Variants in UST observed in about 807,000 individuals in gnomAD.
UST encodes the protein uronyl 2-sulfotransferase.
Under a neutral mutation model 45.6 loss-of-function variants are expected in UST, and 21 were observed. The ratio of observed to expected loss-of-function variants is 0.46; its 90% CI spans 0.33 to 0.66. The LOEUF (loss-of-function observed/expected upper bound fraction) is 0.66, where lower values mean the gene tolerates loss of function less well. Ranked by LOEUF, UST falls within the 30% of genes least tolerant of loss-of-function variation. The pLI is 0.02. For synonymous variants in UST, 215 were observed against 200.6 expected, an observed-to-expected ratio of 1.07 and a Z score of -0.61; for missense variants, 463 against 512.4, an observed-to-expected ratio of 0.90 and a Z score of 0.93.
intron 2 of UST, among the ~76,000 whole-genome samples, chr6:148,892,127 T>C (rs1779031839): frequency 6.6e-6 from 1 of 152,234 alleles, no homozygotes; most frequent in Admixed American, 6.5e-5. Context: ...TCAATATATT[T>C]AGAGAGTCTA....
intron 1 of UST, among the ~76,000 whole-genome samples, chr6:148,876,889 G>A (rs1218288074): frequency 1.3e-5 from 2 of 149,168 alleles, no homozygotes; most frequent in East Asian, 2.0e-4. Context: ...GCGTTTCAGG[G>A]ATGAGACCAG....
chr6:149,023,357 G>C (rs957059810), intron 7 of UST, among the ~76,000 whole-genome samples: 6 of 152,280 alleles, frequency 3.9e-5, no homozygotes, highest in Admixed American at 1.3e-4. Flanking sequence ...TGAGACCTCA[G>C]ACCAAGAGCC....
At chr6:149,022,454 G>A (rs1775993912) in intron 7 of UST, among the ~76,000 whole-genome samples, 2 of 152,082 alleles carry the variant, frequency 1.3e-5, no homozygotes. Flanking sequence ...ACAACAATTA[G>A]CCAGGTGTGT....
intron 1 of UST, among the ~76,000 whole-genome samples, chr6:148,825,668 A>C (rs1436368090): frequency 6.6e-6 from 1 of 152,192 alleles, no homozygotes; most frequent in Non-Finnish European, 1.5e-5. Flanking sequence ...AGAGAGCAAG[A>C]TATTGGCGTA....
intron 5 of UST, among the ~76,000 whole-genome samples, chr6:148,996,652 T>C (rs765247906): frequency 1.3e-5 from 2 of 152,242 alleles, no homozygotes; most frequent in Non-Finnish European, 2.9e-5. Context: ...AATTAACATA[T>C]TTTAACTTGA....
chr6:149,025,516 T>A (rs1033253563), intron 7 of UST, among the ~76,000 whole-genome samples: 1 of 152,164 alleles, frequency 6.6e-6, no homozygotes, highest in Admixed American at 6.5e-5. Context: ...GGAGTGGGCA[T>A]TCAGAAAACA....
chr6:148,976,049 A>T (rs1048028733), intron 5 of UST, among the ~76,000 whole-genome samples: 4 of 152,250 alleles, frequency 2.6e-5, no homozygotes, highest in African/African-American at 9.6e-5. Context: ...ATTCTTAAAG[A>T]TATTAAGATA....
chr6:149,046,435 T>G (rs1776396777), intron 7 of UST, among the ~76,000 whole-genome samples: 1 of 152,246 alleles, frequency 6.6e-6, no homozygotes, highest in African/African-American at 2.4e-5. Flanking sequence ...AGCTGCTCTT[T>G]AACAAGAAGG....
chr6:148,978,244 C>A (rs959032041), intron 5 of UST, among the ~76,000 whole-genome samples: 1 of 152,040 alleles, frequency 6.6e-6, no homozygotes. Flanking sequence ...ATCTCTAGAA[C>A]AGTGTTAAAT....
intron 7 of UST, among the ~76,000 whole-genome samples, chr6:149,023,237 A>G (rs1397848547): frequency 1.3e-5 from 2 of 151,528 alleles, no homozygotes; most frequent in African/African-American, 2.4e-5. Context: ...TAAGATGAAC[A>G]CTCTCCATAA....
intron 5 of UST, among the ~76,000 whole-genome samples, chr6:148,968,371 G>A (rs1244676432): frequency 1.3e-5 from 2 of 152,134 alleles, no homozygotes; most frequent in Non-Finnish European, 1.5e-5. Flanking sequence ...ATAAATTAGT[G>A]CTCGCATAGA....
intron 1 of UST, among the ~76,000 whole-genome samples, chr6:148,870,135 C>CACACACACACAT (rs1454825035): frequency 6.6e-6 from 1 of 151,456 alleles, no homozygotes; most frequent in Non-Finnish European, 1.5e-5. Flanking sequence ...CACACACACA[C>CACACACACACAT]ACACACAGTG....
chr6:148,936,084 A>C (rs573606297), intron 2 of UST, among the ~76,000 whole-genome samples: 137 of 152,340 alleles, frequency 9.0e-4, no homozygotes, highest in Non-Finnish European at 1.7e-3. Context: ...TCATCTTAGG[A>C]GTCAGGAGAG....
At chr6:148,918,473 A>T (rs1008988652) in intron 2 of UST, among the ~76,000 whole-genome samples, 1 of 152,224 alleles carries the variant, frequency 6.6e-6, no homozygotes, top group Non-Finnish European at 1.5e-5. Flanking sequence ...GTCTGCAGAC[A>T]ATGTGCTTTT....
chr6:148,809,848 A>G (rs565273783), intron 1 of UST, among the ~76,000 whole-genome samples: 91 of 152,240 alleles, frequency 6.0e-4, no homozygotes, highest in African/African-American at 2.0e-3. Flanking sequence ...TGGTTGTCTT[A>G]ATCTTTTTTT....
At chr6:148,964,921 C>T (rs148103550) in intron 5 of UST, among the ~76,000 whole-genome samples, 2 of 152,196 alleles carry the variant, frequency 1.3e-5, no homozygotes, top group East Asian at 3.9e-4. Context: ...GCGGCAGAGC[C>T]CCTTCTCATC....
chr6:148,952,949 A>G (rs926789212), intron 3 of UST, among the ~76,000 whole-genome samples: 1 of 152,216 alleles, frequency 6.6e-6, no homozygotes, highest in Non-Finnish European at 1.5e-5. Context: ...TTTCTGTATC[A>G]TGACATGTTC....
chr6:149,017,026 C>T (rs1463909467), intron 5 of UST, among the ~76,000 whole-genome samples: 2 of 152,206 alleles, frequency 1.3e-5, no homozygotes, highest in South Asian at 2.1e-4. Context: ...GGCACCCGCC[C>T]GCACAAGCTT....
intron 5 of UST, among the ~76,000 whole-genome samples, chr6:149,006,243 C>G (rs1775691751): frequency 6.6e-6 from 1 of 152,152 alleles, no homozygotes; most frequent in Non-Finnish European, 1.5e-5. Context: ...TCTCCCTCCC[C>G]CAACCCCACT....
Sources: gnomAD v4.1 joint callset for allele counts (sites outside exome capture counted in the v4.1 genomes callset) on GRCh38, gnomAD v4.1.1 for gene constraint, MANE v1.5 for transcripts, NCBI Gene and HGNC (gene_info 2026-07-23, HGNC 2026-07-21) for gene names.